SLC25A27: variants seen among roughly 807,000 people sequenced by gnomAD.
The protein encoded by SLC25A27 is solute carrier family 25 member 27.
SLC25A27 carries 35 observed loss-of-function variants against 49.1 expected under a neutral mutation model. The observed-to-expected ratio is 0.71, with a 90% confidence interval of 0.54 to 0.95. The LOEUF is 0.95. SLC25A27 is among the 40% of genes least tolerant of loss of function. SLC25A27 has a pLI of 0.00. For missense variants in SLC25A27, 339 were observed against 397.1 expected, an observed-to-expected ratio of 0.85 and a Z score of 1.24; for synonymous variants, 144 against 136.9, an observed-to-expected ratio of 1.05 and a Z score of -0.36.
chr6:46,655,657 ACTGAATTAGAATC>A (rs1365003863), intron 1 of SLC25A27, among the ~76,000 whole-genome samples, 173 bp from the exon 2 acceptor site: 1 of 147,414 alleles, frequency 6.8e-6, no homozygotes, highest in Admixed American at 6.9e-5. Flanking sequence ...TCTTCAACCT[ACTGAATTAGAATC>A]CATGGGCACG....
At chr6:46,666,277 T>A (rs1035923323) in intron 5 of SLC25A27, among the ~76,000 whole-genome samples, 2 of 152,226 alleles carry the variant, frequency 1.3e-5, no homozygotes, top group African/African-American at 4.8e-5. Flanking sequence ...TTTCCTTGCC[T>A]GCTACTGCAT....
At chr6:46,658,830 C>T (rs750845746) in intron 2 of SLC25A27, 132 bp from the exon 3 acceptor site, 16 of 722,238 alleles carry the variant, frequency 2.2e-5, no homozygotes, top group African/African-American at 3.5e-5. Flanking sequence ...TTAGAAGCAC[C>T]GGCCCCATGA....
In SLC25A27 at chr6:46,678,030, T is replaced by TTATACATATATATATA. The variant is rs1763861017; in HGVS notation, c.*1580_*1581insCATATATATATATATA. ...CAATATGTAATTGCGTTGTAAAATA[T>TTATACATATATATATA]TATATATATATATATATATATATAT... On this transcript the variant is annotated 3_prime_UTR_variant, in exon 9 of 9. Coordinates refer to ENST00000371347, the MANE Select transcript of SLC25A27 (RefSeq NM_004277.5). The TTATACATATATATATA allele has an allele frequency of 2.0e-5, 2 of 100,628 alleles. No individual in the cohort carries two copies. The highest frequency in any genetic ancestry group is 7.9e-5 in the African/African-American group (2 of 25,238). The allele number at this position is 100,628 out of a possible 1,614,324, so 6.2% of individuals were successfully genotyped here. A position where few individuals can be genotyped will look rare whatever the true frequency, so the allele number is the denominator to read the frequency against.
chr6:46,674,380 T>C (rs372143822), intron 8 of SLC25A27, among the ~76,000 whole-genome samples: 2 of 152,130 alleles, frequency 1.3e-5, no homozygotes, highest in East Asian at 3.9e-4. Flanking sequence ...TGACCTCAGA[T>C]CTGTTCCACT....
chr6:46,662,501 A>G lies in SLC25A27; in HGVS notation c.506+3A>G. ...AAACTGGAAGGAAAACCATTGCGGT[A>G]AGTTCTCCAATTAACCAATACCTCT... On this transcript the variant is annotated splice_donor_region_variant and intron_variant, in intron 4 of 8. Transcript: ENST00000371347. 5.6e-6 allele frequency: 9 copies of G among 1,613,600 alleles called. 1 individual carries two copies. Among genetic ancestry groups the G allele is most frequent in the Non-Finnish European group, 5.9e-6 (7 of 1,179,794 alleles).
chr6:46,659,149 G>A (rs1214248871), intron 3 of SLC25A27, 103 bp downstream of exon 3: 2 of 735,894 alleles, frequency 2.7e-6, no homozygotes, highest in Admixed American at 2.4e-5. Flanking sequence ...CTTAAGTTAT[G>A]GACTTAAAAT....
chr6:46,672,051 A>G (rs1456868054), intron 8 of SLC25A27, among the ~76,000 whole-genome samples: 1 of 152,190 alleles, frequency 6.6e-6, no homozygotes, highest in Admixed American at 6.5e-5. Context: ...ATAAGAAACT[A>G]TAAGTGATAA....
chr6:46,674,993 A>G (rs559551674), intron 8 of SLC25A27, among the ~76,000 whole-genome samples: 1 of 152,210 alleles, frequency 6.6e-6, no homozygotes, highest in Non-Finnish European at 1.5e-5. Context: ...TGCAATGCTC[A>G]TAGCTGTATC....
rs1351783132 is a variant in SLC25A27, at chr6:46,658,911, A to T, written c.299-51A>T. On this transcript the variant is annotated intron_variant, in intron 2 of 8. Coordinates refer to ENST00000371347, the MANE Select transcript of SLC25A27 (RefSeq NM_004277.5). ...CCTCTTATTTTATACATACATAAGCATATAGATACATATAGCCAAAGTTAC... is the reference window on the plus strand; with the variant it reads ...CCTCTTATTTTATACATACATAAGCTTATAGATACATATAGCCAAAGTTAC... The T allele has an allele frequency of 2.6e-6, 3 of 1,174,136 alleles. No homozygotes were observed. In the South Asian group the frequency reaches 3.6e-5, roughly 14 times the overall value. 72.7% of individuals were successfully genotyped at this position (1,174,136 alleles called of 1,614,324 possible).
chr6:46,655,011 T>C (rs138309386), intron 1 of SLC25A27, among the ~76,000 whole-genome samples: 1 of 152,228 alleles, frequency 6.6e-6, no homozygotes, highest in Non-Finnish European at 1.5e-5. Flanking sequence ...ATCTTCCTTA[T>C]GTAGGCCGTT....
intron 1 of SLC25A27, chr6:46,653,701 G>A: frequency 2.0e-6 from 2 of 985,188 alleles, no homozygotes; most frequent in Non-Finnish European, 1.2e-6. Context: ...TTATCTTGTG[G>A]GTCCAAGTTG....
rs541827701 is a variant in SLC25A27, at chr6:46,662,274, T to C, written c.384-102T>C. On this transcript the variant is annotated intron_variant, in intron 3 of 8. Transcript: ENST00000371347. ...TGGGTATATCCTTTTCTTTACTTGA[T>C]CTGAAATCTCTTACCTAGGCCCTGT... 1,246 of 982,620 alleles carry C rather than the reference T, an allele frequency of 1.3e-3. 20 individuals are homozygous for C. In the South Asian group the frequency reaches 0.016, roughly 13 times the overall value. 60.9% of individuals were successfully genotyped at this position (982,620 alleles called of 1,614,324 possible).
chr6:46,668,790 C>A lies in SLC25A27; in HGVS notation c.701C>A (p.Ser234Ter). The change falls in exon 6 of 9, where the codon TCA becomes TAA. Residue 234 changes from serine to a stop codon, truncating the protein, a stop_gained. Transcript: ENST00000371347. LOFTEE classifies it high-confidence loss of function. ...GACAATATCATGACTCACGGTTTAT[C>A]AAGGTAAGGATTGTTTTAGTTGGAC... ...LEDNIMTHGL[S>*]SLCSGLVASI... 4 of 1,557,724 alleles carry A rather than the reference C, an allele frequency of 2.6e-6. No individual in the cohort carries two copies. The highest frequency in any genetic ancestry group is 3.5e-6 in the Non-Finnish European group (4 of 1,130,182).
chr6:46,662,606 C>A, intron 4 of SLC25A27, 108 bp downstream of exon 4: 1 of 1,215,480 alleles, frequency 8.2e-7, no homozygotes, highest in Non-Finnish European at 1.2e-6. Flanking sequence ...GATATTACTT[C>A]TGACTTTTTT....
intron 8 of SLC25A27, 134 bp from the exon 9 acceptor site, chr6:46,676,249 T>G: frequency 1.4e-6 from 1 of 716,210 alleles, no homozygotes; most frequent in Non-Finnish European, 2.3e-6. Context: ...TTTACAAAGG[T>G]GAAATACCAA....
chr6:46,666,636 C>G (rs965832289), intron 5 of SLC25A27, among the ~76,000 whole-genome samples: 1 of 152,124 alleles, frequency 6.6e-6, no homozygotes, highest in African/African-American at 2.4e-5. Context: ...CAAAATTTCT[C>G]TTCCAAGTTC....
chr6:46,670,172 C>T lies in SLC25A27; in HGVS notation c.742C>T (p.Pro248Ser). Residue 248 changes from proline (P) to serine (S), a missense_variant, in exon 7 of 9, where the codon CCA (proline) becomes TCA (serine). Physicochemically the swap from Pro to Ser is moderately conservative, Grantham distance 74 (BLOSUM62 -1). Transcript: ENST00000371347. ...SGLVASILGT[P>S]ADVIKSRIMN... ...ACTGGTAGCTTCTATTCTGGGAACA[C>T]CAGCCGATGTCATCAAAAGCAGAAT... 6.2e-7 allele frequency: 1 copy of T among 1,612,988 alleles called. No homozygotes were observed. The highest frequency in any genetic ancestry group is 8.5e-7 in the Non-Finnish European group (1 of 1,179,632).
intron 4 of SLC25A27, among the ~76,000 whole-genome samples, chr6:46,663,745 C>T (rs921196335): frequency 2.0e-5 from 3 of 152,068 alleles, no homozygotes; most frequent in Admixed American, 2.0e-4. Context: ...AAGTTATATA[C>T]TACAGTAAAA....
intron 8 of SLC25A27, among the ~76,000 whole-genome samples, chr6:46,674,965 CATATACACTGG>C (rs1172233180): frequency 6.6e-6 from 1 of 152,172 alleles, no homozygotes; most frequent in Non-Finnish European, 1.5e-5. Flanking sequence ...AATATGGGTT[CATATACACTGG>C]ATTATTTGCA....
Sources: gnomAD v4.1 joint callset for allele counts (sites outside exome capture counted in the v4.1 genomes callset) on GRCh38, gnomAD v4.1.1 for gene constraint, MANE v1.5 for transcripts, NCBI Gene and HGNC (gene_info 2026-07-23, HGNC 2026-07-21) for gene names.